The following FLI1 variants were observed in gnomAD, a reference collection of about 807,000 sequenced individuals.
The protein encoded by FLI1 is Fli-1 proto-oncogene, ETS transcription factor, also known as Friend leukemia integration 1 transcription factor.
Under a neutral mutation model 53.1 loss-of-function variants are expected in FLI1, and 13 were observed. That is an observed-to-expected ratio of 0.24 (90% CI 0.16 to 0.39). The LOEUF is 0.39. FLI1 is among the 10% of genes least tolerant of loss of function. The pLI, the probability that FLI1 is intolerant of heterozygous loss-of-function variation, is 1.00. For missense variants in FLI1, 424 were observed against 600.5 expected (o/e 0.71, Z 3.07); for synonymous variants, 244 against 236.7 (o/e 1.03, Z -0.28).
chr11:128,795,860 T>C (rs1178815504), intron 5 of FLI1, among the ~76,000 whole-genome samples: 6 of 152,180 alleles, frequency 3.9e-5, no homozygotes, highest in Non-Finnish European at 8.8e-5. Flanking sequence ...CTAGAAAGCA[T>C]TTTCATATGC....
Position 128,700,589 on chromosome 11 carries a change from T to A in FLI1, c.18+6313T>A, listed in dbSNP as rs112955142. Among the ~76,000 whole-genome samples the A allele has an allele frequency of 8.0e-3, 1,216 of 152,212 alleles. 21 individuals are homozygous for A. Among genetic ancestry groups the A allele is most frequent in the African/African-American group, 0.027 (1,135 of 41,532 alleles). On this transcript the variant is annotated intron_variant, in intron 1 of 8. Coordinates refer to ENST00000527786, the MANE Select transcript of FLI1 (RefSeq NM_002017.5). ...ACCTTACATACTATAACAAAGAATT[T>A]GGGGGTGAGTATGGTGGCTCATGCC...
intron 4 of FLI1, among the ~76,000 whole-genome samples, chr11:128,777,308 G>T (rs1270983798): frequency 6.7e-6 from 1 of 148,610 alleles, no homozygotes; most frequent in South Asian, 2.1e-4. Flanking sequence ...TTACAAACAA[G>T]TTCGTTTTGT....
At chr11:128,784,587 C>T (rs1314251324) in intron 5 of FLI1, among the ~76,000 whole-genome samples, 1 of 152,242 alleles carries the variant, frequency 6.6e-6, no homozygotes, top group Non-Finnish European at 1.5e-5. Flanking sequence ...CTTGAGCTGT[C>T]TTGCTCCTCT....
intron 5 of FLI1, chr11:128,804,529 T>G (rs1377353635): frequency 6.6e-6 from 1 of 152,184 alleles, no homozygotes; most frequent in Admixed American, 6.5e-5. Flanking sequence ...AAGTTCGATT[T>G]GAGGAGTATT....
At chr11:128,748,019 A>T (rs1165461136) in intron 1 of FLI1, among the ~76,000 whole-genome samples, 1 of 152,202 alleles carries the variant, frequency 6.6e-6, no homozygotes, top group African/African-American at 2.4e-5. Context: ...ACTCAAAGTC[A>T]ACAGGCAAAG....
intron 4 of FLI1, among the ~76,000 whole-genome samples, chr11:128,777,119 G>A (rs570370398): frequency 1.3e-5 from 2 of 152,294 alleles, no homozygotes; most frequent in African/African-American, 4.8e-5. Flanking sequence ...CGCAGCAGCT[G>A]CTGCGGGAAC....
At chr11:128,749,850 A>AT (rs1940565605) in intron 1 of FLI1, among the ~76,000 whole-genome samples, 2 of 152,114 alleles carry the variant, frequency 1.3e-5, no homozygotes, top group African/African-American at 2.4e-5. Context: ...AAATGCGCAC[A>AT]TGTAGAGAGG....
chr11:128,739,206 A>G (rs1476453571), intron 1 of FLI1, among the ~76,000 whole-genome samples: 3 of 152,192 alleles, frequency 2.0e-5, no homozygotes, highest in Non-Finnish European at 4.4e-5. Context: ...GGTGTGGCCC[A>G]ATAGCACTTG....
intron 1 of FLI1, among the ~76,000 whole-genome samples, chr11:128,742,904 T>C (rs1387744045): frequency 1.3e-5 from 2 of 152,198 alleles, no homozygotes; most frequent in Admixed American, 1.3e-4. Context: ...TGGTTCATGA[T>C]TAAAAGAAGC....
At chr11:128,702,534 T>G (rs1938377758) in intron 1 of FLI1, among the ~76,000 whole-genome samples, 1 of 152,252 alleles carries the variant, frequency 6.6e-6, no homozygotes, top group Admixed American at 6.5e-5. Context: ...CTTCTTCTGA[T>G]TCTCCCTTTC....
upstream of FLI1, among the ~76,000 whole-genome samples, chr11:128,691,451 G>T (rs1296490746): frequency 6.6e-6 from 1 of 152,124 alleles, no homozygotes; most frequent in Non-Finnish European, 1.5e-5. Flanking sequence ...CTTCTTTCTG[G>T]GTGGAGACCT....
At chr11:128,794,109 A>G (rs996545282) in intron 5 of FLI1, among the ~76,000 whole-genome samples, 2 of 152,130 alleles carry the variant, frequency 1.3e-5, no homozygotes, top group African/African-American at 4.8e-5. Context: ...TCCCCTTGAC[A>G]CTACACGCTC....
chr11:128,752,149 T>G (rs192884097), intron 1 of FLI1, among the ~76,000 whole-genome samples: 285 of 152,138 alleles, frequency 1.9e-3, no homozygotes, highest in African/African-American at 6.6e-3. Context: ...CTGAGTTTTG[T>G]ATTTTTAGTA....
chr11:128,695,581 T>C (rs1010587025), intron 1 of FLI1, among the ~76,000 whole-genome samples: 1 of 152,180 alleles, frequency 6.6e-6, no homozygotes, highest in Non-Finnish European at 1.5e-5. Flanking sequence ...AAGTTTTTTT[T>C]ATGAAAGTTT....
chr11:128,760,559 A>C (rs1941075105), intron 2 of FLI1, among the ~76,000 whole-genome samples: 1 of 117,000 alleles, frequency 8.5e-6, no homozygotes, highest in South Asian at 2.6e-4. Context: ...ATGGAGTCTC[A>C]CTCTGTTGCC....
chr11:128,688,759 A>G (rs1403778412), intron 1 of FLI1, among the ~76,000 whole-genome samples: 4 of 152,170 alleles, frequency 2.6e-5, no homozygotes, highest in African/African-American at 4.8e-5. Flanking sequence ...AAAGGGAGAG[A>G]GGGAAGAGGG....
intron 1 of FLI1, among the ~76,000 whole-genome samples, chr11:128,706,933 T>A (rs1321574246): frequency 3.3e-5 from 5 of 152,240 alleles, no homozygotes; most frequent in African/African-American, 1.2e-4. Flanking sequence ...ACATGGTTAA[T>A]TCATAATGAT....
intron 5 of FLI1, among the ~76,000 whole-genome samples, chr11:128,800,278 C>T (rs898033067): frequency 1.3e-5 from 2 of 152,172 alleles, no homozygotes; most frequent in Admixed American, 1.3e-4. Flanking sequence ...GCCTTCTTAG[C>T]AGCAACCAGA....
At chr11:128,714,466 T>C (rs914041818) in intron 1 of FLI1, among the ~76,000 whole-genome samples, 1 of 152,230 alleles carries the variant, frequency 6.6e-6, no homozygotes, top group African/African-American at 2.4e-5. Flanking sequence ...GCTGTCTATA[T>C]CTGGTGTTTG....
Sources: allele counts gnomAD v4.1 joint callset (sites outside exome capture counted in the v4.1 genomes callset), GRCh38; gene constraint gnomAD v4.1.1; transcripts MANE v1.5; gene names NCBI Gene and HGNC (gene_info 2026-07-23, HGNC 2026-07-21).